Variants in SCUBE3 observed in about 807,000 individuals in gnomAD.
SCUBE3 encodes the protein signal peptide, CUB and EGF-like domain-containing protein 3.
In SCUBE3, 33 loss-of-function variants were observed where a neutral mutation model predicts 116.8. The ratio of observed to expected loss-of-function variants is 0.28; its 90% CI spans 0.21 to 0.38. The LOEUF (loss-of-function observed/expected upper bound fraction) is 0.38. SCUBE3 is among the 10% of genes least tolerant of loss of function. SCUBE3 has a pLI of 1.00. For synonymous variants in SCUBE3, 418 were observed against 496.9 expected, an observed-to-expected ratio of 0.84 and a Z score of 2.11; for missense variants, 1,007 against 1,324.8, an observed-to-expected ratio of 0.76 and a Z score of 3.72.
intron 21 of SCUBE3, among the ~76,000 whole-genome samples, chr6:35,246,816 G>A (rs1041680189): frequency 1.3e-5 from 2 of 151,252 alleles, no homozygotes; most frequent in Non-Finnish European, 3.0e-5. Context: ...TCTTAATTTT[G>A]TAAAAATACA....
intron 6 of SCUBE3, 122 bp from the exon 7 acceptor site, chr6:35,237,780 C>T (rs895910362): frequency 7.0e-5 from 45 of 641,480 alleles, no homozygotes; most frequent in Non-Finnish European, 1.2e-4. Flanking sequence ...AATGCTCCTT[C>T]TAAAGCACAG....
chr6:35,233,068 G>A lies in SCUBE3; in HGVS notation c.595+93G>A. The A allele has an allele frequency of 6.6e-7, 1 of 1,526,428 alleles. No homozygotes were observed. Among genetic ancestry groups the A allele is most frequent in the Non-Finnish European group, 9.0e-7 (1 of 1,108,326 alleles). The allele number at this position is 1,526,428 out of a possible 1,614,324, so 94.6% of individuals were successfully genotyped here. On this transcript the variant is annotated intron_variant, in intron 5 of 21. Transcript: ENST00000274938. This position sits in a 1 kb window ranked among gnomAD's most constrained non-coding sequence, Gnocchi z 5.7. ...GCTTCAGGAGCAAGAGGACAGGGCT[G>A]GGAGGAAAAGGGAGTATGGGGGAGG...
At chr6:35,238,677 G>A (rs1783884778) in intron 7 of SCUBE3, among the ~76,000 whole-genome samples, 1 of 152,202 alleles carries the variant, frequency 6.6e-6, no homozygotes, top group African/African-American at 2.4e-5. Flanking sequence ...TGTGTTAACT[G>A]TTATTACAGT....
intron 1 of SCUBE3, among the ~76,000 whole-genome samples, chr6:35,226,480 CTTT>C (rs764779695): frequency 3.5e-5 from 3 of 85,204 alleles, no homozygotes; most frequent in Admixed American, 1.8e-4. Context: ...TTTCTATGTC[CTTT>C]TTTTTTTTTT....
intron 6 of SCUBE3, among the ~76,000 whole-genome samples, chr6:35,237,679 G>T (rs1172655331): frequency 6.6e-6 from 1 of 152,248 alleles, no homozygotes; most frequent in South Asian, 2.1e-4. Flanking sequence ...AATCAAGTAG[G>T]GGGCAGGGAA....
chr6:35,232,418 A>G lies in SCUBE3; in HGVS notation c.470-432A>G, dbSNP rs192090005. Reference sequence around the variant, plus strand: ...TGCATAGTAAATATCTATACCAATTACCCTCCACTCTCATTGTAGATCTGA... The same window carrying G: ...TGCATAGTAAATATCTATACCAATTGCCCTCCACTCTCATTGTAGATCTGA... On this transcript the variant is annotated intron_variant, in intron 4 of 21. Transcript: ENST00000274938. The surrounding 1 kb of genome is among the most constrained non-coding windows in gnomAD (Gnocchi z 4.2). Among the ~76,000 whole-genome samples the G allele has an allele frequency of 1.7e-3, 265 of 152,228 alleles. No individual in the cohort carries two copies. The highest frequency in any genetic ancestry group is 2.5e-3 in the Non-Finnish European group (172 of 68,004).
rs1783574810 is a variant in SCUBE3, at chr6:35,232,062, T to C, written c.469+203T>C. On this transcript the variant is annotated intron_variant, in intron 4 of 21. Coordinates refer to ENST00000274938, the MANE Select transcript of SCUBE3 (RefSeq NM_152753.4). This position sits in a 1 kb window ranked among gnomAD's most constrained non-coding sequence, Gnocchi z 4.2. ...AAATCTGGGGAAATTACTTTGAGGTTGGGATCAATATGGGATTAAGGCTAC... is the reference window on the plus strand; with the variant it reads ...AAATCTGGGGAAATTACTTTGAGGTCGGGATCAATATGGGATTAAGGCTAC... Among the ~76,000 whole-genome samples the C allele has an allele frequency of 6.6e-6, 1 of 152,208 alleles. No individual in the cohort carries two copies. The highest frequency in any genetic ancestry group is 6.5e-5 in the Admixed American group (1 of 15,286).
chr6:35,221,335 C>T (rs1427513913), intron 1 of SCUBE3: 1 of 152,212 alleles, frequency 6.6e-6, no homozygotes, highest in Non-Finnish European at 1.5e-5. Context: ...GGTACTACCC[C>T]TCTGAATTTA....
chr6:35,238,305 TCA>T (rs1348589610), intron 7 of SCUBE3, among the ~76,000 whole-genome samples: 1 of 152,172 alleles, frequency 6.6e-6, no homozygotes, highest in East Asian at 1.9e-4. Context: ...GACATGCGAT[TCA>T]CATTTGCTCC....
chr6:35,237,328 C>T lies in SCUBE3; in HGVS notation c.713-574C>T, dbSNP rs1783817479. 2.6e-5 allele frequency among the ~76,000 whole-genome samples: 4 copies of T among 152,138 alleles called. No individual in the cohort carries two copies. The South Asian group carries it at 8.3e-4, about 32-fold the overall frequency. On this transcript the variant is annotated intron_variant, in intron 6 of 21. Transcript: ENST00000274938. Reference sequence around the variant, plus strand: ...CCTCCTCTGAGGATGAGCAGTCAGTCGATCCTGGAAGTGGGATCTTTCTTA... The same window carrying T: ...CCTCCTCTGAGGATGAGCAGTCAGTTGATCCTGGAAGTGGGATCTTTCTTA...
At chr6:35,215,822 G>T (rs1045295486) in intron 1 of SCUBE3, among the ~76,000 whole-genome samples, 10 of 152,204 alleles carry the variant, frequency 6.6e-5, no homozygotes, top group African/African-American at 2.4e-4. Context: ...TCAAATACTG[G>T]ACCCTGCCCC....
At chr6:35,238,156 G>T (rs561011363) in intron 7 of SCUBE3, 138 bp downstream of exon 7, 10 of 542,880 alleles carry the variant, frequency 1.8e-5, no homozygotes, top group Non-Finnish European at 3.0e-5. Context: ...GCTAAGGGTT[G>T]TCTCCTATCT....
At position 35,241,635 on chromosome 6, in the gene SCUBE3, C is replaced by T; in HGVS notation, c.1288C>T (p.Pro430Ser). 1 of 1,613,684 alleles carries T rather than the reference C, an allele frequency of 6.2e-7. No individual in the cohort carries two copies. Among genetic ancestry groups the T allele is most frequent in the Non-Finnish European group, 8.5e-7 (1 of 1,179,560 alleles). ...GKKDTCALTC[P>S]SRARFLPESE... ...GAAGGACACCTGTGCCCTGACCTGTCCCTCCAGGGCCCGATTTTTGCCAGG... is the reference window on the plus strand; with the variant it reads ...GAAGGACACCTGTGCCCTGACCTGTTCCTCCAGGGCCCGATTTTTGCCAGG... The change falls in exon 11 of 22, where the codon CCC becomes TCC. Residue 430 changes from proline to serine, a missense_variant. By Grantham distance (74) the Pro-to-Ser change is moderately conservative. Transcript: ENST00000274938. The surrounding 1 kb of genome is among the most constrained non-coding windows in gnomAD (Gnocchi z 4.1).
At position 35,243,613 on chromosome 6, in the gene SCUBE3, G is replaced by A. The variant is rs370469159; in HGVS notation, c.1929G>A (p.Thr643=). The change falls in exon 16 of 22, where the codon ACG becomes ACA. Residue 643 remains threonine (T), a synonymous_variant. Transcript: ENST00000274938. The surrounding 1 kb of genome is among the most constrained non-coding windows in gnomAD (Gnocchi z 6.6). ...GTKCVSCPQG[T]YYHGQTEQCV... ...CCTCAGTCAGCTGCCCGCAGGGAAC[G>A]TATTACCACGGCCAGACGGAGCAGT... 1.9e-4 allele frequency: 314 copies of A among 1,613,268 alleles called. 2 individuals carry two copies. The highest frequency in any genetic ancestry group is 6.8e-4 in the Admixed American group (41 of 59,972).
Position 35,237,942 on chromosome 6 carries a change from C to G in SCUBE3, c.753C>G (p.Cys251Trp). 1 of 1,613,028 alleles carries G rather than the reference C, an allele frequency of 6.2e-7. No individual in the cohort carries two copies. The highest frequency in any genetic ancestry group is 8.5e-7 in the Non-Finnish European group (1 of 1,179,050). ...AVNNGGCDSK[C>W]HDAATGVHCT... ...ACAACGGGGGCTGTGACAGTAAGTG[C>G]CATGATGCAGCGACTGGTGTCCACT... Residue 251 changes from cysteine (C) to tryptophan (W), a missense_variant, in exon 7 of 22, where the codon TGC becomes TGG. Transcript: ENST00000274938.
At chr6:35,236,725 A>T (rs1462814769) in intron 6 of SCUBE3, among the ~76,000 whole-genome samples, 1 of 152,216 alleles carries the variant, frequency 6.6e-6, no homozygotes, top group Non-Finnish European at 1.5e-5. Context: ...AGAAGATGAC[A>T]GTACATCCAG....
chr6:35,225,554 G>C (rs1783291440), intron 1 of SCUBE3, among the ~76,000 whole-genome samples: 1 of 152,230 alleles, frequency 6.6e-6, no homozygotes, highest in Non-Finnish European at 1.5e-5. Context: ...TGGAGAGTAA[G>C]TGTAGACAGA....
chr6:35,240,450 C>T lies in SCUBE3; in HGVS notation c.1029C>T (p.Cys343=). The change falls in exon 9 of 22, where the codon TGC becomes TGT. Residue 343 remains cysteine (C), a synonymous_variant. Coordinates refer to ENST00000274938, the MANE Select transcript of SCUBE3 (RefSeq NM_152753.4). This position sits in a 1 kb window ranked among gnomAD's most constrained non-coding sequence, Gnocchi z 4.6. ...CACCAGGAAGCTTCCAGTGTCTCTG[C>T]CATCGTGGCTACCTGTTGTATGGTA... ...VNTPGSFQCL[C]HRGYLLYGIT... The T allele has an allele frequency of 6.2e-7, 1 of 1,609,612 alleles. No homozygotes were observed. Among genetic ancestry groups the T allele is most frequent in the Non-Finnish European group, 8.5e-7 (1 of 1,177,344 alleles).
intron 1 of SCUBE3, chr6:35,222,663 G>T (rs746785367): frequency 6.6e-6 from 1 of 152,222 alleles, no homozygotes; most frequent in African/African-American, 2.4e-5. Flanking sequence ...AAGAATTGTA[G>T]AGGACAGCTT....
Sources: gnomAD v4.1 joint callset for allele counts (sites outside exome capture counted in the v4.1 genomes callset) on GRCh38, gnomAD v4.1.1 for gene constraint, Gnocchi (gnomAD v3.1) non-coding constraint, MANE v1.5 for transcripts, NCBI Gene and HGNC (gene_info 2026-07-23, HGNC 2026-07-21) for gene names.